Variants in TMC2 observed in about 807,000 individuals in gnomAD.
TMC2 encodes the protein transmembrane channel-like protein 2.
Under a neutral mutation model 105.9 loss-of-function variants are expected in TMC2, and 102 were observed. The ratio of observed to expected loss-of-function variants is 0.96; its 90% CI spans 0.82 to 1.14. The LOEUF (loss-of-function observed/expected upper bound fraction) is 1.14, where lower values mean the gene tolerates loss of function less well. Ranked by LOEUF, TMC2 falls within the 50% of genes most tolerant of loss-of-function variation. TMC2 has a pLI of 0.00. For synonymous variants in TMC2, 402 were observed against 422.8 expected (o/e 0.95, Z 0.60); for missense variants, 1,093 against 1,134.3 (o/e 0.96, Z 0.52).
In TMC2 at chr20:2,616,204, G is replaced by A; in HGVS notation, c.1940G>A (p.Trp647Ter). Residue 647 changes from tryptophan to a stop codon, truncating the protein, a stop_gained and splice_region_variant, in exon 15 of 20, where the codon TGG (tryptophan) becomes TAG (stop). Transcript: ENST00000358864. LOFTEE classifies it high-confidence loss of function. The surrounding 1 kb of genome is among the most constrained non-coding windows in gnomAD (Gnocchi z 4.8). ...LGLIFNQGMI[W>*]MGSFYAPGLV... ...TTGATCTTCAACCAAGGAATGATCTGGTGAGTTATCCATTTCATCTGGTGA... is the reference window on the plus strand; with the variant it reads ...TTGATCTTCAACCAAGGAATGATCTAGTGAGTTATCCATTTCATCTGGTGA... 6.2e-7 allele frequency: 1 copy of A among 1,611,950 alleles called. No homozygotes were observed. Among genetic ancestry groups the A allele is most frequent in the East Asian group, 2.2e-5 (1 of 44,866 alleles).
At chr20:2,566,004 C>T (rs1448533507) in intron 4 of TMC2, among the ~76,000 whole-genome samples, 1 of 152,146 alleles carries the variant, frequency 6.6e-6, no homozygotes, top group Non-Finnish European at 1.5e-5. Flanking sequence ...TGCCGCTGCA[C>T]TCCAGCCTTG....
At chr20:2,640,166 G>C (rs1033141010) in intron 19 of TMC2, among the ~76,000 whole-genome samples, 2 of 152,034 alleles carry the variant, frequency 1.3e-5, no homozygotes, top group African/African-American at 4.8e-5. Context: ...ATTTTTAGTA[G>C]AGATGGGATT....
At chr20:2,636,490 A>ACACACACACACACG (rs1555778112) in intron 18 of TMC2, among the ~76,000 whole-genome samples, 1 of 151,076 alleles carries the variant, frequency 6.6e-6, no homozygotes. Context: ...ACACACACAC[A>ACACACACACACACG]CACGCACACA....
chr20:2,558,760 G>T lies in TMC2; in HGVS notation c.387G>T (p.Arg129=). Residue 129 remains arginine (R), a synonymous_variant, in exon 3 of 20, where the codon CGG becomes CGT. Transcript: ENST00000358864. This position sits in a 1 kb window ranked among gnomAD's most constrained non-coding sequence, Gnocchi z 4.6. The part of the protein sequence containing the change: ...EIPRREEKSK[R]QKKPRSSSLA... ...CGAGGAGGGAGGAGAAGTCGAAGCGGCAGAAGAAACCCAGGTGTGTTGTGG... is the reference window on the plus strand; with the variant it reads ...CGAGGAGGGAGGAGAAGTCGAAGCGTCAGAAGAAACCCAGGTGTGTTGTGG... 1 of 1,552,284 alleles carries T rather than the reference G, an allele frequency of 6.4e-7. No individual in the cohort carries two copies. Among genetic ancestry groups the T allele is most frequent in the Middle Eastern group, 1.7e-4 (1 of 5,724 alleles).
At position 2,624,356 on chromosome 20, in the gene TMC2, G is replaced by A. The variant is rs778718713; in HGVS notation, c.2266G>A (p.Ala756Thr). 5.7e-5 allele frequency: 92 copies of A among 1,613,834 alleles called. No homozygotes were observed. The highest frequency in any genetic ancestry group is 7.5e-5 in the Non-Finnish European group (88 of 1,179,976). Reference protein sequence around the residue: ...TFLGKIFAFLANPGLIIPAIL... With the variant: ...TFLGKIFAFLTNPGLIIPAIL... ...CCTGGGCAAGATCTTTGCTTTCCTCGCCAATCCAGGCCTGATCATCCCAGC... is the reference window on the plus strand; with the variant it reads ...CCTGGGCAAGATCTTTGCTTTCCTCACCAATCCAGGCCTGATCATCCCAGC... The change falls in exon 17 of 20, where the codon GCC becomes ACC. Residue 756 changes from alanine to threonine, a missense_variant. By Grantham distance (58) the Ala-to-Thr change is moderately conservative. Coordinates refer to ENST00000358864, the MANE Select transcript of TMC2 (RefSeq NM_080751.3).
chr20:2,613,104 G>T lies in TMC2; in HGVS notation c.1744-90G>T, dbSNP rs2086453490. The T allele has an allele frequency of 5.3e-6, 8 of 1,508,716 alleles. No individual in the cohort carries two copies. The South Asian group carries it at 1.1e-4, about 20-fold the overall frequency. 93.5% of individuals were successfully genotyped at this position (1,508,716 alleles called of 1,614,324 possible). A position where few individuals can be genotyped will look rare whatever the true frequency, so the allele number is the denominator to read the frequency against. ...GAGACAAAGTCAGGTGGGTGGGGGAGAGTTTATTAGACTCTCAACAAACTC... is the reference window on the plus strand; with the variant it reads ...GAGACAAAGTCAGGTGGGTGGGGGATAGTTTATTAGACTCTCAACAAACTC... On this transcript the variant is annotated intron_variant, in intron 13 of 19. Transcript: ENST00000358864.
At chr20:2,605,932 T>C (rs1395480667) in intron 11 of TMC2, among the ~76,000 whole-genome samples, 2 of 152,216 alleles carry the variant, frequency 1.3e-5, no homozygotes, top group Non-Finnish European at 2.9e-5. Flanking sequence ...GACTTGTACC[T>C]GGGGCTGTCA....
At chr20:2,571,500 A>G (rs1412735357) in intron 4 of TMC2, among the ~76,000 whole-genome samples, 1 of 152,188 alleles carries the variant, frequency 6.6e-6, no homozygotes, top group Non-Finnish European at 1.5e-5. Context: ...TCAAAACCTA[A>G]CAGATGCTGG....
intron 17 of TMC2, among the ~76,000 whole-genome samples, chr20:2,626,399 T>G (rs1339606248): frequency 6.6e-6 from 1 of 152,154 alleles, no homozygotes; most frequent in Admixed American, 6.5e-5. Flanking sequence ...CACAAGCTGC[T>G]TGGGCTTCCT....
chr20:2,566,437 G>T (rs1161314130), intron 4 of TMC2, among the ~76,000 whole-genome samples: 1 of 152,202 alleles, frequency 6.6e-6, no homozygotes, highest in Non-Finnish European at 1.5e-5. Context: ...TACACAGTAG[G>T]ATGTGAAGTT....
intron 2 of TMC2, among the ~76,000 whole-genome samples, chr20:2,543,772 G>A (rs1006416884): frequency 1.3e-5 from 2 of 152,198 alleles, no homozygotes; most frequent in African/African-American, 2.4e-5. Flanking sequence ...AGCCCAAGCT[G>A]AAGGAAAAGC....
At chr20:2,539,993 T>TTC (rs1188712740) in intron 2 of TMC2, among the ~76,000 whole-genome samples, 541 of 134,182 alleles carry the variant, frequency 4.0e-3, no homozygotes, top group Middle Eastern at 0.019. Context: ...TTCTTTTCTT[T>TTC]TTTTTTTTTT....
chr20:2,570,695 T>A (rs6114978), intron 4 of TMC2, among the ~76,000 whole-genome samples: 20,426 of 152,066 alleles, frequency 0.13, 1,780 homozygotes, highest in African/African-American at 0.24. Flanking sequence ...CAGCCAAAGC[T>A]ATCCTAAACA....
chr20:2,577,664 C>T (rs931073311), intron 5 of TMC2, among the ~76,000 whole-genome samples: 1 of 152,144 alleles, frequency 6.6e-6, no homozygotes, highest in African/African-American at 2.4e-5. Flanking sequence ...GAAATCCTAA[C>T]ACTTTGGGAG....
intron 4 of TMC2, among the ~76,000 whole-genome samples, chr20:2,564,442 G>A (rs1032837123): frequency 6.6e-5 from 10 of 151,588 alleles, no homozygotes; most frequent in African/African-American, 1.9e-4. Context: ...GAGCCACCGC[G>A]CCCGGCCCTC....
At chr20:2,549,427 A>C (rs1229264699) in intron 2 of TMC2, among the ~76,000 whole-genome samples, 1 of 152,102 alleles carries the variant, frequency 6.6e-6, no homozygotes, top group African/African-American at 2.4e-5. Context: ...GTTGTTGTTG[A>C]TGATTTTTTG....
chr20:2,612,452 A>G, intron 13 of TMC2, 112 bp downstream of exon 13: 1 of 1,074,004 alleles, frequency 9.3e-7, no homozygotes, highest in Non-Finnish European at 1.3e-6. Flanking sequence ...CTGTTCATCC[A>G]GCAAACATTT....
rs547255059 is a variant in TMC2, at chr20:2,565,198, T to C, written c.554+3188T>C. ...TTCCTTTTTATATACAGCCAGTCTT[T>C]GCTGGGCATGCCCTTTGTGCCAGGC... On this transcript the variant is annotated intron_variant, in intron 4 of 19. Transcript: ENST00000358864. 4.6e-5 allele frequency among the ~76,000 whole-genome samples: 7 copies of C among 152,390 alleles called. No individual in the cohort carries two copies. The South Asian group carries it at 1.4e-3, about 32-fold the overall frequency.
chr20:2,633,664 G>A (rs2086620551), intron 17 of TMC2, among the ~76,000 whole-genome samples: 1 of 152,136 alleles, frequency 6.6e-6, no homozygotes, highest in Non-Finnish European at 1.5e-5. Flanking sequence ...AGGATTTTAA[G>A]GTGCTCCAAA....
Sources: allele counts gnomAD v4.1 joint callset (sites outside exome capture counted in the v4.1 genomes callset), GRCh38; gene constraint gnomAD v4.1.1; non-coding constraint Gnocchi (gnomAD v3.1); transcripts MANE v1.5; gene names NCBI Gene and HGNC (gene_info 2026-07-23, HGNC 2026-07-21).